HIVEP3: variants seen among roughly 807,000 people sequenced by gnomAD.
HIVEP3 encodes the protein HIVEP zinc finger 3.
In HIVEP3, 49 loss-of-function variants were observed where a neutral mutation model predicts 152.8. The observed-to-expected ratio is 0.32, with a 90% CI of 0.26 to 0.41. HIVEP3 has a LOEUF of 0.41. HIVEP3 is among the 10% of genes least tolerant of loss of function. The pLI, the probability that HIVEP3 is intolerant of heterozygous loss-of-function variation, is 1.00. For synonymous variants in HIVEP3, 1,269 were observed against 1,289.0 expected, an observed-to-expected ratio of 0.98 and a Z score of 0.33; for missense variants, 2,790 against 3,103.3, an observed-to-expected ratio of 0.90 and a Z score of 2.40.
chr1:41,567,894 T>C (rs1282838871), intron 5 of HIVEP3, among the ~76,000 whole-genome samples: 2 of 152,228 alleles, frequency 1.3e-5, no homozygotes, highest in Non-Finnish European at 2.9e-5. Flanking sequence ...GGGTTCTCAC[T>C]GGCCTGGTTT....
At chr1:41,750,840 A>T (rs1647149513) in intron 1 of HIVEP3, among the ~76,000 whole-genome samples, 1 of 152,082 alleles carries the variant, frequency 6.6e-6, no homozygotes, top group South Asian at 2.1e-4. Context: ...CTGGGATTAC[A>T]GGTGTGTAGG....
At chr1:41,797,813 C>T (rs1227179427) in intron 1 of HIVEP3, among the ~76,000 whole-genome samples, 2 of 151,936 alleles carry the variant, frequency 1.3e-5, no homozygotes, top group African/African-American at 4.8e-5. Context: ...ATGGTGAAAC[C>T]CCGTCTCTAC....
chr1:41,561,749 A>G (rs11210446), intron 5 of HIVEP3, among the ~76,000 whole-genome samples: 5 of 11,918 alleles, frequency 4.2e-4, no homozygotes, highest in African/African-American at 8.9e-4. Flanking sequence ...TCCTGCCATG[A>G]TCTCCCAAAG....
intron 1 of HIVEP3, among the ~76,000 whole-genome samples, chr1:42,034,667 A>G (rs1228830177): frequency 1.3e-5 from 2 of 152,182 alleles, no homozygotes; most frequent in African/African-American, 4.8e-5. Flanking sequence ...CCCTACTGGG[A>G]AGATAGGGAG....
chr1:41,526,591 A>AGCCTCACGCACACT (rs1569733310), intron 5 of HIVEP3, among the ~76,000 whole-genome samples: 1 of 21,300 alleles, frequency 4.7e-5, no homozygotes, highest in African/African-American at 1.9e-4. Flanking sequence ...CCCCACACTC[A>AGCCTCACGCACACT]CACCCTTACA....
chr1:41,674,525 A>T (rs1221468976), intron 2 of HIVEP3, among the ~76,000 whole-genome samples: 2 of 152,224 alleles, frequency 1.3e-5, no homozygotes, highest in Non-Finnish European at 2.9e-5. Flanking sequence ...AGGACAGAGA[A>T]GGTGAGAGAC....
At chr1:41,782,269 A>G (rs980314709) in intron 1 of HIVEP3, among the ~76,000 whole-genome samples, 7 of 152,250 alleles carry the variant, frequency 4.6e-5, no homozygotes, top group African/African-American at 1.4e-4. Context: ...TCAAATTCAT[A>G]GAGACAGAGA....
At chr1:41,806,838 T>C (rs572645455) in intron 1 of HIVEP3, among the ~76,000 whole-genome samples, 1 of 152,240 alleles carries the variant, frequency 6.6e-6, no homozygotes, top group South Asian at 2.1e-4. Flanking sequence ...TCTTCCCTGC[T>C]TTACCCAAGA....
chr1:41,771,134 G>A (rs1487763866), intron 1 of HIVEP3, among the ~76,000 whole-genome samples: 4 of 152,170 alleles, frequency 2.6e-5, no homozygotes, highest in African/African-American at 9.7e-5. Context: ...TGGGGTGGGA[G>A]TGGAGCAATG....
At chr1:41,824,827 AG>A (rs1642746995) in intron 1 of HIVEP3, among the ~76,000 whole-genome samples, 1 of 74,856 alleles carries the variant, frequency 1.3e-5, no homozygotes. Context: ...AGAAAGAGAG[AG>A]AGAGAGAGAG....
At chr1:41,542,238 A>C (rs1643548082) in intron 5 of HIVEP3, 1 of 152,254 alleles carries the variant, frequency 6.6e-6, no homozygotes, top group Non-Finnish European at 1.5e-5. Context: ...TATTGGGACC[A>C]GTTGATGGAG....
intron 1 of HIVEP3, among the ~76,000 whole-genome samples, chr1:41,849,961 T>A (rs188324879): frequency 0.016 from 2,495 of 152,264 alleles, 39 homozygotes; most frequent in Non-Finnish European, 0.021. Flanking sequence ...AGTGCTGGGA[T>A]TACAGGCATG....
At chr1:41,720,951 G>T (rs1646664871) in intron 1 of HIVEP3, among the ~76,000 whole-genome samples, 1 of 152,232 alleles carries the variant, frequency 6.6e-6, no homozygotes, top group Non-Finnish European at 1.5e-5. Flanking sequence ...CAGAAGGACA[G>T]ATACTGCATA....
Position 41,510,487 on chromosome 1 carries a change from T to A in HIVEP3, c.7185A>T (p.Pro2395=). ...PSGSGEPRAH[P]HQPEDRVPPN... ...GGGGAACCCTGTCCTCAGGCTGATGTGGATGTGCCCTGGGCTCCCCACTTC... is the reference window on the plus strand; with the variant it reads ...GGGGAACCCTGTCCTCAGGCTGATGAGGATGTGCCCTGGGCTCCCCACTTC... The change falls in exon 9 of 9, where the codon CCA becomes CCT. Residue 2395 remains proline, a synonymous_variant. Transcript: ENST00000372583. 6.4e-7 allele frequency: 1 copy of A among 1,569,142 alleles called. No homozygotes were observed. The highest frequency in any genetic ancestry group is 8.7e-7 in the Non-Finnish European group (1 of 1,155,358).
chr1:41,638,428 GAAGA>G lies in HIVEP3; in HGVS notation c.-720-9485_-720-9482del, dbSNP rs143431733. On this transcript the variant is annotated intron_variant, in intron 2 of 8. Transcript: ENST00000372583. ...AAAGGAAGGAAGTAAGGAAGAAAAG[GAAGA>G]AAGAAAGAAAGAGAAAAGAAGAGAT... Among the ~76,000 whole-genome samples, 1,119 of 151,926 alleles carry G rather than the reference GAAGA, an allele frequency of 7.4e-3. 19 individuals carry two copies. The highest frequency in any genetic ancestry group is 0.026 in the African/African-American group (1,077 of 41,414).
At chr1:41,573,283 A>G (rs1192559682) in intron 5 of HIVEP3, among the ~76,000 whole-genome samples, 1 of 152,188 alleles carries the variant, frequency 6.6e-6, no homozygotes, top group Non-Finnish European at 1.5e-5. Context: ...GTGGAATGGA[A>G]GGTCAGCATC....
At chr1:41,723,546 AT>A (rs1409712429) in intron 1 of HIVEP3, among the ~76,000 whole-genome samples, 1 of 151,802 alleles carries the variant, frequency 6.6e-6, no homozygotes, top group African/African-American at 2.4e-5. Flanking sequence ...CCATAAAAAA[AT>A]ATGCTGCAAA....
At chr1:41,787,859 G>A (rs1413350787) in intron 1 of HIVEP3, among the ~76,000 whole-genome samples, 2 of 152,118 alleles carry the variant, frequency 1.3e-5, no homozygotes, top group Non-Finnish European at 2.9e-5. Context: ...CAAGGGGGAG[G>A]GAATTTTAGG....
At chr1:41,525,111 C>G (rs1569722458) in intron 5 of HIVEP3, among the ~76,000 whole-genome samples, 2 of 152,192 alleles carry the variant, frequency 1.3e-5, no homozygotes, top group Non-Finnish European at 2.9e-5. Flanking sequence ...GCCCCTCCCC[C>G]TCAGACGGGG....
Sources: allele counts gnomAD v4.1 joint callset (sites outside exome capture counted in the v4.1 genomes callset), GRCh38; gene constraint gnomAD v4.1.1; transcripts MANE v1.5; gene names NCBI Gene and HGNC (gene_info 2026-07-23, HGNC 2026-07-21).